CLCN2: variants seen among roughly 807,000 people sequenced by gnomAD.
The protein encoded by CLCN2 is chloride channel protein 2.
CLCN2 carries 72 observed loss-of-function variants against 108.3 expected under a neutral mutation model. The ratio of observed to expected loss-of-function variants is 0.66; its 90% CI spans 0.55 to 0.81. The LOEUF is 0.81. Among genes scored for constraint, CLCN2 ranks in the 30% least tolerant of loss-of-function variants. The probability of loss-of-function intolerance (pLI) is 0.00; values close to 1 mark genes in which losing one functional copy is unlikely to be tolerated. For synonymous variants in CLCN2, 471 were observed against 467.1 expected (o/e 1.01, Z -0.11); for missense variants, 1,048 against 1,205.2 (o/e 0.87, Z 1.93).
rs751231228 is a variant in CLCN2, at chr3:184,346,578, G to C, written c.*28C>G. ...CATTCTGGGCTGACGGGCATGGCTA[G>C]CACCATCCTAGGCCACCCACGAGGG... On this transcript the variant is annotated 3_prime_UTR_variant, in exon 24 of 24. Transcript: ENST00000265593. The surrounding 1 kb of genome is among the most constrained non-coding windows in gnomAD (Gnocchi z 6.0). 1 of 1,611,654 alleles carries C rather than the reference G, an allele frequency of 6.2e-7. No individual in the cohort carries two copies. The highest frequency in any genetic ancestry group is 8.5e-7 in the Non-Finnish European group (1 of 1,178,744).
At position 184,351,866 on chromosome 3, in the gene CLCN2, G is replaced by A. The variant is rs4912540; in HGVS notation, c.2415+147C>T. The A allele has an allele frequency of 0.32, 236,024 of 737,832 alleles. 43,174 individuals carry two copies. Among genetic ancestry groups the A allele is most frequent in the East Asian group, 0.65 (26,337 of 40,488 alleles). The allele number at this position is 737,832 out of a possible 1,614,324, so 45.7% of individuals were successfully genotyped here. A position where few individuals can be genotyped will look rare whatever the true frequency, so the allele number is the denominator to read the frequency against. Reference sequence around the variant, plus strand: ...GCTCCCACCTCCCATCATCCAAGCAGTATGTCTAAAAAACATCTCCGCACT... The same window carrying A: ...GCTCCCACCTCCCATCATCCAAGCAATATGTCTAAAAAACATCTCCGCACT... On this transcript the variant is annotated intron_variant, in intron 22 of 23. Coordinates refer to ENST00000265593, the MANE Select transcript of CLCN2 (RefSeq NM_004366.6).
intron 22 of CLCN2, among the ~76,000 whole-genome samples, chr3:184,351,125 G>A (rs74635509): frequency 0.027 from 4,139 of 152,002 alleles, 188 homozygotes; most frequent in African/African-American, 0.093. Context: ...CTCAGTCTCC[G>A]CTTGTCCATG....
In CLCN2 at chr3:184,346,639, G is replaced by A. The variant is rs372698149; in HGVS notation, c.2664C>T (p.Gly888=). The change falls in exon 24 of 24, where the codon GGC becomes GGT. Residue 888 remains glycine, a synonymous_variant. Coordinates refer to ENST00000265593, the MANE Select transcript of CLCN2 (RefSeq NM_004366.6). The surrounding 1 kb of genome is among the most constrained non-coding windows in gnomAD (Gnocchi z 6.0). ...PHSRHGLPRE[G]SPSDSDDKCQ ...ATTTGTCGTCGCTGTCGGAAGGGCT[G>A]CCCTCCCGGGGGAGGCCATGACGGG... The A allele has an allele frequency of 1.3e-5, 21 of 1,614,012 alleles. No homozygotes were observed. In the African/African-American group the frequency reaches 1.3e-4, roughly 10 times the overall value.
chr3:184,352,690 G>A (rs1225215929), intron 19 of CLCN2, 47 bp downstream of exon 19: 4 of 1,591,724 alleles, frequency 2.5e-6, no homozygotes, highest in Non-Finnish European at 3.4e-6. Context: ...CATTGGAGAG[G>A]GAGCTGGGGA....
In CLCN2 at chr3:184,357,668, C is replaced by T; in HGVS notation, c.724G>A (p.Ala242Thr). 6.2e-7 allele frequency: 1 copy of T among 1,614,038 alleles called. No individual in the cohort carries two copies. The highest frequency in any genetic ancestry group is 8.5e-7 in the Non-Finnish European group (1 of 1,180,038). Residue 242 changes from alanine (A) to threonine (T), a missense_variant, in exon 7 of 24, where the codon GCC becomes ACC. By Grantham distance (58) the Ala-to-Thr change is moderately conservative. Transcript: ENST00000265593. ...NESRNTEMLAAACAVGVGCCF... is the reference protein window; with the variant it reads ...NESRNTEMLATACAVGVGCCF... ...CAGCCCACCCCCACGGCACAGGCGG[C>T]AGCCAGCATCTCTGTGTTCCGGGAT... is the stretch of plus-strand genomic sequence containing the variant.
chr3:184,352,000 C>A lies in CLCN2; in HGVS notation c.2415+13G>T. ...GAGCCTAGACCAGCCCTGGGCCAGG[C>A]TGCTGGCCCTACCTTGTGCAAAGAG... On this transcript the variant is annotated intron_variant, in intron 22 of 23. Coordinates refer to ENST00000265593, the MANE Select transcript of CLCN2 (RefSeq NM_004366.6). 2 of 1,591,822 alleles carry A rather than the reference C, an allele frequency of 1.3e-6. No individual in the cohort carries two copies. Among genetic ancestry groups the A allele is most frequent in the Non-Finnish European group, 1.7e-6 (2 of 1,160,300 alleles).
chr3:184,352,965 G>A (rs1728232316), intron 18 of CLCN2, 68 bp downstream of exon 18: 2 of 1,547,162 alleles, frequency 1.3e-6, no homozygotes, highest in African/African-American at 2.7e-5. Context: ...CAACAGGGCT[G>A]GGCAGGGACT....
intron 15 of CLCN2, 67 bp from the exon 16 acceptor site, chr3:184,353,862 C>A: frequency 6.4e-7 from 1 of 1,573,558 alleles, no homozygotes; most frequent in East Asian, 2.3e-5. Context: ...CATTGCCATC[C>A]CAGGGCCACA....
At position 184,358,960 on chromosome 3, in the gene CLCN2, C is replaced by T. The variant is rs747813139; in HGVS notation, c.220+15G>A. On this transcript the variant is annotated intron_variant, in intron 2 of 23. Transcript: ENST00000265593. ...ACAGCACAGCCAGGTCCCCTGCCCC[C>T]ACCCCAGTTCTCACCGCGGCATCGG... 16 of 1,613,564 alleles carry T rather than the reference C, an allele frequency of 9.9e-6. No homozygotes were observed. The Admixed American group carries it at 2.7e-4, about 27-fold the overall frequency.
chr3:184,352,748 C>G lies in CLCN2; in HGVS notation c.2206G>C (p.Ala736Pro). ...SLFCGSPPPE[A>P]ASEKLESCEK... Reference sequence around the variant, plus strand: ...CTCCAGCCACTCACCTCCGAAGCAGCCTCAGGGGGTGGACTGCCACAGAAG... The same window carrying G: ...CTCCAGCCACTCACCTCCGAAGCAGGCTCAGGGGGTGGACTGCCACAGAAG... Residue 736 changes from alanine (A) to proline (P), a missense_variant, in exon 19 of 24, where the codon GCT (alanine) becomes CCT (proline). Physicochemically the swap from Ala to Pro is conservative, Grantham distance 27. Coordinates refer to ENST00000265593, the MANE Select transcript of CLCN2 (RefSeq NM_004366.6). 1 of 1,613,190 alleles carries G rather than the reference C, an allele frequency of 6.2e-7. No homozygotes were observed. Among genetic ancestry groups the G allele is most frequent in the Admixed American group, 1.7e-5 (1 of 60,014 alleles).
At position 184,352,803 on chromosome 3, in the gene CLCN2, TG is replaced by T. The variant is rs1324555022; in HGVS notation, c.2150del (p.Ala717GlufsTer33). The T allele has an allele frequency of 1.9e-6, 3 of 1,613,244 alleles. No homozygotes were observed. In the South Asian group the frequency reaches 3.3e-5, roughly 18 times the overall value. ...TCCGGAGGGCGATGCCTGCCGACTC[TG>T]CGCTCCCTGTGTTCCCAAACATAAG... ...RNLGESPTGS[A>X]ESAGIALRSL... On this transcript the variant is annotated frameshift_variant, in exon 19 of 24. Transcript: ENST00000265593. LOFTEE classifies it high-confidence loss of function.
chr3:184,358,927 C>T, intron 2 of CLCN2, 48 bp downstream of exon 2: 1 of 1,613,484 alleles, frequency 6.2e-7, no homozygotes, highest in Non-Finnish European at 8.5e-7. Context: ...GCCTCTGCTT[C>T]CCTCAGCACA....
chr3:184,354,594 CGT>C lies in CLCN2; in HGVS notation c.1459_1460del (p.Thr487GlyfsTer67). The C allele has an allele frequency of 1.2e-6, 2 of 1,612,904 alleles. No individual in the cohort carries two copies. Among genetic ancestry groups the C allele is most frequent in the Non-Finnish European group, 1.7e-6 (2 of 1,179,948 alleles). On this transcript the variant is annotated frameshift_variant, in exon 14 of 24. Coordinates refer to ENST00000265593, the MANE Select transcript of CLCN2 (RefSeq NM_004366.6). LOFTEE classifies it high-confidence loss of function. ...MAAWFPDGIH[T>X]DSSTYRIVPG... ...GCACAATCCGGTAGGTGCTGCTGTC[CGT>C]ATGAATTCCATCTGGGAACCAGGCA...
At chr3:184,358,488 A>G (rs2108573580) in intron 3 of CLCN2, 178 bp from the exon 4 acceptor site, 1 of 1,106,456 alleles carries the variant, frequency 9.0e-7, no homozygotes, top group East Asian at 2.6e-5. Flanking sequence ...CAAGAGGATC[A>G]CTTGGAGAGG....
rs1712109927 is a variant in CLCN2 at position 184,361,460 on chromosome 3, T to TCCG, written c.17_19dup (p.Ala6dup). 8.7e-6 allele frequency: 14 copies of TCCG among 1,612,552 alleles called. No individual in the cohort carries two copies. The highest frequency in any genetic ancestry group is 1.3e-5 in the African/African-American group (1 of 74,912). Reference sequence around the variant, plus strand: ...CAGCGCCCGTGGCTCCATCCCTTCCTCCGCCGCCGCGGCCGCCATCTCCGC... The same window carrying TCCG: ...CAGCGCCCGTGGCTCCATCCCTTCCTCCGCCGCCGCCGCGGCCGCCATCTCCGC... On this transcript the variant is annotated inframe_insertion, in exon 1 of 24. Transcript: ENST00000265593. This position sits in a 1 kb window ranked among gnomAD's most constrained non-coding sequence, Gnocchi z 6.6.
rs1301956041 is a variant in CLCN2 at position 184,352,963 on chromosome 3, C to G, written c.2143+70G>C. The stretch of plus-strand genomic sequence containing the variant: ...GCTGGGATGTACCCCAGCAACAGGG[C>G]TGGGCAGGGACTCTAATGGATCTCA... On this transcript the variant is annotated intron_variant, in intron 18 of 23. Transcript: ENST00000265593. The G allele has an allele frequency of 3.9e-6, 6 of 1,549,016 alleles. No homozygotes were observed. In the African/African-American group the frequency reaches 6.8e-5, roughly 18 times the overall value.
Position 184,361,390 on chromosome 3 carries a change from C to G in CLCN2, c.63+27G>C, listed in dbSNP as rs1712089039. The G allele has an allele frequency of 3.7e-6, 6 of 1,612,578 alleles. No homozygotes were observed. The South Asian group carries it at 6.6e-5, about 18-fold the overall frequency. On this transcript the variant is annotated intron_variant, in intron 1 of 23. Transcript: ENST00000265593. This position sits in a 1 kb window ranked among gnomAD's most constrained non-coding sequence, Gnocchi z 6.6. ...TGGAGCAGGGGTCCCGGAGCGCACT[C>G]CTGGGGCTCAGCTCAGCTTCACTTA... is the stretch of plus-strand genomic sequence containing the variant.
rs775407707 is a variant in CLCN2, at chr3:184,352,824, C to T, written c.2144-14G>A. The T allele has an allele frequency of 6.2e-6, 10 of 1,613,042 alleles. No homozygotes were observed. The highest frequency in any genetic ancestry group is 1.7e-4 in the Middle Eastern group (1 of 6,060). Reference sequence around the variant, plus strand: ...ACTCTGCGCTCCCTGTGTTCCCAAACATAAGGCCCCAGGGGGCAATGTCAT... The same window carrying T: ...ACTCTGCGCTCCCTGTGTTCCCAAATATAAGGCCCCAGGGGGCAATGTCAT... On this transcript the variant is annotated splice_polypyrimidine_tract_variant and intron_variant, in intron 18 of 23. Transcript: ENST00000265593.
intron 3 of CLCN2, 112 bp downstream of exon 3, chr3:184,358,570 G>A (rs919981506): frequency 1.4e-6 from 2 of 1,426,516 alleles, no homozygotes; most frequent in South Asian, 2.5e-5. Context: ...ACTGGCTGGG[G>A]AAAGTGGTCA....
Sources: allele counts gnomAD v4.1 joint callset (sites outside exome capture counted in the v4.1 genomes callset), GRCh38; gene constraint gnomAD v4.1.1; non-coding constraint Gnocchi (gnomAD v3.1); transcripts MANE v1.5; gene names NCBI Gene and HGNC (gene_info 2026-07-23, HGNC 2026-07-21).